NIPSNAP1: variants seen among roughly 807,000 people sequenced by gnomAD.
NIPSNAP1 encodes the protein nipsnap homolog 1.
NIPSNAP1 carries 25 observed loss-of-function variants against 49.2 expected under a neutral mutation model. The ratio of observed to expected loss-of-function variants is 0.51; its 90% CI spans 0.37 to 0.71. The LOEUF is 0.71. NIPSNAP1 is among the 30% of genes least tolerant of loss of function. The probability of loss-of-function intolerance (pLI) is 0.00; values close to 1 mark genes in which losing one functional copy is unlikely to be tolerated. For synonymous variants in NIPSNAP1, 143 were observed against 140.7 expected, an observed-to-expected ratio of 1.02 and a Z score of -0.12; for missense variants, 294 against 361.0, an observed-to-expected ratio of 0.81 and a Z score of 1.50.
In NIPSNAP1 at chr22:29,555,675, A is replaced by C; in HGVS notation, c.*260T>G. ...TTTAGAAGATAAATGAAGGCCTAAA[A>C]GATCACTATCTTTCATTCAGGGAAA... is the stretch of plus-strand genomic sequence containing the variant. On this transcript the variant is annotated 3_prime_UTR_variant, in exon 10 of 10. Coordinates refer to ENST00000216121, the MANE Select transcript of NIPSNAP1 (RefSeq NM_003634.4). 1 of 509,064 alleles carries C rather than the reference A, an allele frequency of 2.0e-6. No individual in the cohort carries two copies. Among genetic ancestry groups the C allele is most frequent in the Non-Finnish European group, 3.6e-6 (1 of 278,870 alleles). 31.5% of individuals were successfully genotyped at this position (509,064 alleles called of 1,614,324 possible). A position where few individuals can be genotyped will look rare whatever the true frequency, so the allele number is the denominator to read the frequency against.
intron 8 of NIPSNAP1, among the ~76,000 whole-genome samples, chr22:29,560,397 G>A (rs1038957093): frequency 3.9e-5 from 6 of 151,902 alleles, no homozygotes; most frequent in Non-Finnish European, 5.9e-5. Context: ...ACAGGCATGC[G>A]CCACCACGCC....
At chr22:29,558,059 T>C (rs2064308434) in intron 9 of NIPSNAP1, among the ~76,000 whole-genome samples, 1 of 152,078 alleles carries the variant, frequency 6.6e-6, no homozygotes, top group Non-Finnish European at 1.5e-5. Context: ...GCCCAGGAGT[T>C]TGAGACCTGC....
Position 29,554,973 on chromosome 22 carries a change from T to G in NIPSNAP1, c.*962A>C, listed in dbSNP as rs2064278002. On this transcript the variant is annotated 3_prime_UTR_variant, in exon 10 of 10. Coordinates refer to ENST00000216121, the MANE Select transcript of NIPSNAP1 (RefSeq NM_003634.4). Reference sequence around the variant, plus strand: ...GCCACCTCCACACACCAGGTGGCCCTGCAGAATGAGGGTTGGGCTGATAGA... The same window carrying G: ...GCCACCTCCACACACCAGGTGGCCCGGCAGAATGAGGGTTGGGCTGATAGA... 6.6e-6 allele frequency: 1 copy of G among 152,610 alleles called. No individual in the cohort carries two copies. The allele number at this position is 152,610 out of a possible 1,614,324, so 9.5% of individuals were successfully genotyped here. A position where few individuals can be genotyped will look rare whatever the true frequency, so the allele number is the denominator to read the frequency against.
intron 1 of NIPSNAP1, among the ~76,000 whole-genome samples, chr22:29,573,009 T>C (rs2064422433): frequency 6.6e-6 from 1 of 150,946 alleles, no homozygotes. Flanking sequence ...AAAAATAATC[T>C]TAAAGTGGTG....
chr22:29,558,478 T>A (rs1231297912), intron 9 of NIPSNAP1, among the ~76,000 whole-genome samples: 3 of 151,754 alleles, frequency 2.0e-5, no homozygotes, highest in African/African-American at 7.3e-5. Context: ...CAAAAATAAA[T>A]AAAATAAAAT....
rs1437866415 is a variant in NIPSNAP1 at position 29,568,488 on chromosome 22, A to G, written c.367+705T>C. The stretch of plus-strand genomic sequence containing the variant: ...ACAGAGCGAGACCCTGTCTCAAAAA[A>G]GAAAAAAGAAAAAAAAAAAAAAGGC... On this transcript the variant is annotated intron_variant, in intron 4 of 9. Coordinates refer to ENST00000216121, the MANE Select transcript of NIPSNAP1 (RefSeq NM_003634.4). Among the ~76,000 whole-genome samples the G allele has an allele frequency of 4.7e-5, 6 of 126,550 alleles. No individual in the cohort carries two copies. In the Admixed American group the frequency reaches 4.9e-4, roughly 10 times the overall value. 83.0% of individuals were successfully genotyped at this position (126,550 alleles called of 152,430 possible).
At chr22:29,563,818 C>A (rs1320319062) in intron 4 of NIPSNAP1, among the ~76,000 whole-genome samples, 1 of 152,100 alleles carries the variant, frequency 6.6e-6, no homozygotes, top group Non-Finnish European at 1.5e-5. Context: ...ATTAGAATGA[C>A]AAGTCTACAA....
intron 3 of NIPSNAP1, 120 bp downstream of exon 3, chr22:29,570,042 G>T (rs2064396465): frequency 8.5e-6 from 7 of 823,510 alleles, no homozygotes; most frequent in Non-Finnish European, 1.5e-5. Flanking sequence ...AGAAATAAAA[G>T]AAATCTACAT....
intron 1 of NIPSNAP1, chr22:29,580,090 T>A (rs1395387276): frequency 1.5e-6 from 2 of 1,303,904 alleles, no homozygotes; most frequent in Admixed American, 4.6e-5. Flanking sequence ...GGGGAACAGG[T>A]GGCCTCACTT....
At chr22:29,580,161 G>A (rs2064486997) in intron 1 of NIPSNAP1, 3 of 1,304,002 alleles carry the variant, frequency 2.3e-6, no homozygotes, top group African/African-American at 3.0e-5. Flanking sequence ...GGAGGCTGGG[G>A]AAACAGAGAA....
rs1052664450 is a variant in NIPSNAP1 at position 29,580,901 on chromosome 22, G to A, written c.98+84C>T. 3 of 1,134,562 alleles carry A rather than the reference G, an allele frequency of 2.6e-6. No individual in the cohort carries two copies. In the African/African-American group the frequency reaches 4.9e-5, roughly 18 times the overall value. The allele number at this position is 1,134,562 out of a possible 1,614,324, so 70.3% of individuals were successfully genotyped here. ...CCCAGATTCCAAGCGAGGAGTCTCA[G>A]CCCCTCCCCCACGACCCAGTCCCTG... On this transcript the variant is annotated intron_variant, in intron 1 of 9. Coordinates refer to ENST00000216121, the MANE Select transcript of NIPSNAP1 (RefSeq NM_003634.4).
At chr22:29,567,730 C>A (rs969854305) in intron 4 of NIPSNAP1, among the ~76,000 whole-genome samples, 1 of 152,024 alleles carries the variant, frequency 6.6e-6, no homozygotes, top group Non-Finnish European at 1.5e-5. Flanking sequence ...GTGGCATGCA[C>A]CTGTGGTCCC....
chr22:29,581,028 G>A lies in NIPSNAP1; in HGVS notation c.55C>T (p.Pro19Ser), dbSNP rs771845647. The change falls in exon 1 of 10, where the codon CCG (proline) becomes TCG (serine). Residue 19 changes from proline (P) to serine (S), a missense_variant. Transcript: ENST00000216121. The stretch of plus-strand genomic sequence containing the variant: ...GCAACGTCCCCAGCGCGAGGCCCCG[G>A]GCCCCCCAGCAGCCGCCGCGCCGTC... ...SVTARRLLGG[P>S]GPRAGDVASA... is the part of the protein sequence containing the mutation. 4 of 1,537,396 alleles carry A rather than the reference G, an allele frequency of 2.6e-6. No homozygotes were observed. The South Asian group carries it at 4.8e-5, about 18-fold the overall frequency.
intron 3 of NIPSNAP1, among the ~76,000 whole-genome samples, chr22:29,569,670 C>T (rs1239508807): frequency 1.1e-5 from 1 of 87,024 alleles, no homozygotes; most frequent in African/African-American, 5.5e-5. Context: ...CTCCTGGAGA[C>T]CATCTCTTAA....
chr22:29,579,406 C>A (rs2064480698), intron 1 of NIPSNAP1, among the ~76,000 whole-genome samples: 1 of 151,342 alleles, frequency 6.6e-6, no homozygotes, highest in Non-Finnish European at 1.5e-5. Flanking sequence ...ACGCCATTCT[C>A]CTGCCTCAGC....
chr22:29,566,824 C>CA (rs199624114), intron 4 of NIPSNAP1, among the ~76,000 whole-genome samples: 3,317 of 150,766 alleles, frequency 0.022, 135 homozygotes, highest in African/African-American at 0.076. Flanking sequence ...GACGCTGTCT[C>CA]AAAAAAATAA....
At chr22:29,574,155 G>A (rs768884281) in intron 1 of NIPSNAP1, among the ~76,000 whole-genome samples, 62 of 147,158 alleles carry the variant, frequency 4.2e-4, no homozygotes, top group Non-Finnish European at 5.1e-4. Flanking sequence ...CCAGCTACTC[G>A]AGAGACTGAG....
intron 4 of NIPSNAP1, among the ~76,000 whole-genome samples, chr22:29,562,241 G>C (rs987191763): frequency 3.3e-5 from 5 of 152,170 alleles, no homozygotes; most frequent in Non-Finnish European, 7.3e-5. Context: ...CCTTAGAGGG[G>C]CAGCTGAACA....
chr22:29,576,013 C>T (rs2064449114), intron 1 of NIPSNAP1, among the ~76,000 whole-genome samples: 1 of 138,474 alleles, frequency 7.2e-6, no homozygotes, highest in Admixed American at 7.4e-5. Flanking sequence ...CACACTTGGC[C>T]TTTTTTTTTT....
Sources: gnomAD v4.1 joint callset for allele counts (sites outside exome capture counted in the v4.1 genomes callset) on GRCh38, gnomAD v4.1.1 for gene constraint, MANE v1.5 for transcripts, NCBI Gene and HGNC (gene_info 2026-07-23, HGNC 2026-07-21) for gene names.